WWOX: variants seen among roughly 807,000 people sequenced by gnomAD.
WWOX encodes WW domain-containing oxidoreductase.
Under a neutral mutation model 46.2 loss-of-function variants are expected in WWOX, and 69 were observed. The ratio of observed to expected loss-of-function variants is 1.49; its 90% confidence interval spans 1.23 to 1.82. WWOX has a LOEUF of 1.82. Ranked by LOEUF, WWOX falls within the 40% of genes most tolerant of loss-of-function variation. WWOX has a pLI of 0.00. For missense variants in WWOX, 919 were observed against 542.6 expected (o/e 1.69, Z -6.89); for synonymous variants, 359 against 202.6 (o/e 1.77, Z -6.56).
At chr16:78,238,465 A>G (rs2037516110) in intron 5 of WWOX, among the ~76,000 whole-genome samples, 1 of 152,000 alleles carries the variant, frequency 6.6e-6, no homozygotes, top group South Asian at 2.1e-4. Flanking sequence ...ATACCCAGCC[A>G]ATTTTTGTGT....
intron 6 of WWOX, among the ~76,000 whole-genome samples, chr16:78,397,350 C>G (rs74028168): frequency 4.3e-4 from 66 of 152,312 alleles, no homozygotes; most frequent in African/African-American, 1.5e-3. Context: ...TAAGCACTTA[C>G]ATACCATCCC....
intron 8 of WWOX, among the ~76,000 whole-genome samples, chr16:78,810,257 T>A (rs1170197599): frequency 1.3e-5 from 2 of 152,262 alleles, no homozygotes; most frequent in African/African-American, 4.8e-5. Flanking sequence ...TATTCTCAGC[T>A]GATCTGCAAT....
intron 8 of WWOX, among the ~76,000 whole-genome samples, chr16:79,022,173 G>A (rs2047547088): frequency 1.3e-5 from 2 of 152,144 alleles, no homozygotes; most frequent in Admixed American, 1.3e-4. Flanking sequence ...TGGTGAAGGA[G>A]GTATAAAAGG....
At chr16:78,701,427 G>C (rs58493726) in intron 8 of WWOX, among the ~76,000 whole-genome samples, 5 of 152,076 alleles carry the variant, frequency 3.3e-5, no homozygotes, top group African/African-American at 7.2e-5. Context: ...TCTGACAGGA[G>C]GTTGAAGGTC....
At chr16:78,458,773 T>A (rs1489158131) in intron 8 of WWOX, among the ~76,000 whole-genome samples, 2 of 152,086 alleles carry the variant, frequency 1.3e-5, no homozygotes, top group Non-Finnish European at 2.9e-5. Context: ...CCAGTACTAG[T>A]GTCTGCTAAT....
intron 8 of WWOX, among the ~76,000 whole-genome samples, chr16:78,786,169 C>G (rs1272934902): frequency 6.6e-6 from 1 of 152,180 alleles, no homozygotes; most frequent in African/African-American, 2.4e-5. Flanking sequence ...CTCCGCCTCC[C>G]AAAGTGCTGG....
intron 8 of WWOX, among the ~76,000 whole-genome samples, chr16:78,978,927 T>C (rs4888900): frequency 0.83 from 126,502 of 151,972 alleles, 53,235 homozygotes; most frequent in Middle Eastern, 0.92. Flanking sequence ...TTGTTATTTC[T>C]TCAGGTACAT....
At chr16:78,838,294 C>A (rs987276392) in intron 8 of WWOX, among the ~76,000 whole-genome samples, 1 of 152,018 alleles carries the variant, frequency 6.6e-6, no homozygotes, top group Admixed American at 6.6e-5. Flanking sequence ...TGGGCCATGG[C>A]GTTGCAGAGT....
intron 8 of WWOX, among the ~76,000 whole-genome samples, chr16:78,668,651 A>G (rs1392083110): frequency 1.3e-5 from 2 of 152,158 alleles, no homozygotes; most frequent in Non-Finnish European, 2.9e-5. Flanking sequence ...GGTGAGGATA[A>G]GAAGGAGGAA....
In WWOX at chr16:78,293,995, A is replaced by C. The variant is rs1473412858; in HGVS notation, c.517-92865A>C. Reference sequence around the variant, plus strand: ...CTGTCTCAGAAAAAAAAAAAAAAAAAAAAAAAAAAAAAAAAGGCTTTCCTG... The same window carrying C: ...CTGTCTCAGAAAAAAAAAAAAAAAACAAAAAAAAAAAAAAAGGCTTTCCTG... On this transcript the variant is annotated intron_variant, in intron 5 of 8. Transcript: ENST00000566780. 2.1e-4 allele frequency among the ~76,000 whole-genome samples: 32 copies of C among 150,152 alleles called. 1 individual carries two copies. Among genetic ancestry groups the C allele is most frequent in the African/African-American group, 7.1e-4 (29 of 40,890 alleles).
At chr16:78,766,428 C>T (rs1051147223) in intron 8 of WWOX, among the ~76,000 whole-genome samples, 2 of 152,266 alleles carry the variant, frequency 1.3e-5, no homozygotes, top group African/African-American at 4.8e-5. Context: ...GACCCCACGT[C>T]TTAAAAAAAT....
chr16:78,286,463 G>A (rs2079769381), intron 5 of WWOX, among the ~76,000 whole-genome samples: 1 of 152,206 alleles, frequency 6.6e-6, no homozygotes, highest in Non-Finnish European at 1.5e-5. Flanking sequence ...CTGTGATTCA[G>A]TGAAAACTTA....
At chr16:78,795,535 C>G (rs939618878) in intron 8 of WWOX, among the ~76,000 whole-genome samples, 2 of 152,008 alleles carry the variant, frequency 1.3e-5, no homozygotes, top group African/African-American at 4.8e-5. Flanking sequence ...TGAGTCTTCC[C>G]AATTCTGAAA....
intron 5 of WWOX, among the ~76,000 whole-genome samples, chr16:78,321,314 G>A (rs115068759): frequency 0.011 from 542 of 49,794 alleles, 10 homozygotes; most frequent in East Asian, 0.054. Context: ...GTATATATAT[G>A]CGTATATATA....
At chr16:78,117,771 C>T (rs936839987) in intron 4 of WWOX, among the ~76,000 whole-genome samples, 9 of 152,144 alleles carry the variant, frequency 5.9e-5, no homozygotes, top group African/African-American at 1.9e-4. Context: ...ACTTCTGGGG[C>T]ATTCAGGAGT....
chr16:78,389,815 A>G (rs144217990), intron 6 of WWOX, among the ~76,000 whole-genome samples: 3 of 152,164 alleles, frequency 2.0e-5, no homozygotes, highest in East Asian at 3.9e-4. Flanking sequence ...CAGTGGTGCA[A>G]TCTCTGTTCA....
intron 8 of WWOX, among the ~76,000 whole-genome samples, chr16:78,844,229 C>G (rs1271621681): frequency 6.6e-6 from 1 of 152,138 alleles, no homozygotes; most frequent in Non-Finnish European, 1.5e-5. Context: ...TTGTGCTATT[C>G]TTAGCCCAAG....
chr16:78,754,328 G>C (rs998961057), intron 8 of WWOX, among the ~76,000 whole-genome samples: 1 of 152,082 alleles, frequency 6.6e-6, no homozygotes, highest in Non-Finnish European at 1.5e-5. Flanking sequence ...ATTTCAGACA[G>C]CCTAAGGTCA....
At chr16:79,201,333 T>G (rs973993280) in intron 8 of WWOX, among the ~76,000 whole-genome samples, 1 of 97,354 alleles carries the variant, frequency 1.0e-5, no homozygotes, top group Non-Finnish European at 2.4e-5. Context: ...GAGGGTTTCC[T>G]TTTTCTTTTC....
Sources: gnomAD v4.1 joint callset for allele counts (sites outside exome capture counted in the v4.1 genomes callset) on GRCh38, gnomAD v4.1.1 for gene constraint, MANE v1.5 for transcripts, NCBI Gene and HGNC (gene_info 2026-07-23, HGNC 2026-07-21) for gene names.